The following TSPAN9 variants were observed in gnomAD, a reference collection of about 807,000 sequenced individuals.
TSPAN9 encodes the protein tetraspanin-9.
A neutral mutation model predicts 31.0 loss-of-function variants in TSPAN9; 16 were observed. That is an observed-to-expected ratio of 0.52 (90% CI 0.35 to 0.78). The LOEUF is 0.78. Ranked by LOEUF, TSPAN9 falls within the 30% of genes least tolerant of loss-of-function variation. The pLI is 0.01. For synonymous variants in TSPAN9, 145 were observed against 121.6 expected (o/e 1.19, Z -1.27); for missense variants, 272 against 312.5 (o/e 0.87, Z 0.98).
intron 3 of TSPAN9, among the ~76,000 whole-genome samples, chr12:3,270,552 G>T (rs1862656153): frequency 6.6e-6 from 1 of 152,232 alleles, no homozygotes; most frequent in Non-Finnish European, 1.5e-5. Flanking sequence ...GGCAGGGCAG[G>T]TGCCCCCCAT....
At chr12:3,152,892 C>G (rs940806644) in intron 2 of TSPAN9, among the ~76,000 whole-genome samples, 1 of 152,174 alleles carries the variant, frequency 6.6e-6, no homozygotes, top group African/African-American at 2.4e-5. Context: ...CCAGCTGAGC[C>G]CCCTTCTTTT....
intron 2 of TSPAN9, among the ~76,000 whole-genome samples, chr12:3,158,928 C>T (rs947260453): frequency 2.0e-5 from 3 of 151,702 alleles, no homozygotes; most frequent in African/African-American, 4.8e-5. Context: ...TGCTTGGGAA[C>T]GTACTCCTCC....
At chr12:3,153,365 T>C (rs1473718568) in intron 2 of TSPAN9, among the ~76,000 whole-genome samples, 1 of 152,230 alleles carries the variant, frequency 6.6e-6, no homozygotes, top group East Asian at 1.9e-4. Flanking sequence ...CAGTTTTTTA[T>C]TTTCCATGAT....
chr12:3,199,883 A>T (rs1002926823), intron 2 of TSPAN9: 1 of 152,342 alleles, frequency 6.6e-6, no homozygotes. Context: ...TGTGTGTGAG[A>T]GTGTGTGTAG....
At chr12:3,223,763 A>G (rs1189020025) in intron 3 of TSPAN9, among the ~76,000 whole-genome samples, 2 of 152,226 alleles carry the variant, frequency 1.3e-5, no homozygotes, top group African/African-American at 2.4e-5. Flanking sequence ...ACACAGGGGC[A>G]TGAATTCAGC....
intron 2 of TSPAN9, among the ~76,000 whole-genome samples, chr12:3,140,918 T>C (rs2098334503): frequency 6.6e-6 from 1 of 151,180 alleles, no homozygotes; most frequent in African/African-American, 2.4e-5. Context: ...TGGATGTGTC[T>C]AGATTAAGGA....
intron 2 of TSPAN9, among the ~76,000 whole-genome samples, chr12:3,112,177 CTTTTT>C (rs138645701): frequency 8.6e-6 from 1 of 115,638 alleles, no homozygotes. Context: ...TGTAATGTTC[CTTTTT>C]TTTTTTTTTT....
At chr12:3,085,054 G>A (rs1469739309) in intron 2 of TSPAN9, among the ~76,000 whole-genome samples, 1 of 152,212 alleles carries the variant, frequency 6.6e-6, no homozygotes, top group Admixed American at 6.5e-5. Flanking sequence ...CTAGGCACAT[G>A]GGCTTGGGTG....
At chr12:3,252,621 C>T (rs1353322843) in intron 3 of TSPAN9, among the ~76,000 whole-genome samples, 2 of 152,238 alleles carry the variant, frequency 1.3e-5, no homozygotes, top group Non-Finnish European at 2.9e-5. Flanking sequence ...TCATCACAGC[C>T]GGAGTCAGCT....
chr12:3,095,801 C>T (rs1234231526), intron 2 of TSPAN9, among the ~76,000 whole-genome samples: 1 of 149,168 alleles, frequency 6.7e-6, no homozygotes, highest in East Asian at 2.0e-4. Flanking sequence ...AGGCGCTCCT[C>T]ACTTCCTAGA....
intron 1 of TSPAN9, among the ~76,000 whole-genome samples, chr12:3,079,469 A>AT (rs947438399): frequency 2.7e-5 from 4 of 149,162 alleles, no homozygotes; most frequent in African/African-American, 9.9e-5. Flanking sequence ...TTATTTATTT[A>AT]TTTTTTTCTG....
intron 3 of TSPAN9, among the ~76,000 whole-genome samples, chr12:3,248,033 C>T (rs1339262156): frequency 6.6e-6 from 1 of 152,180 alleles, no homozygotes; most frequent in East Asian, 1.9e-4. Context: ...TGTCTGCTTG[C>T]CCCTTTCCCA....
At chr12:3,241,396 A>AATTT (rs772408840) in intron 3 of TSPAN9, among the ~76,000 whole-genome samples, 1 of 152,208 alleles carries the variant, frequency 6.6e-6, no homozygotes, top group Non-Finnish European at 1.5e-5. Context: ...ACATACTGTA[A>AATTT]AGTTTGCTCT....
intron 2 of TSPAN9, among the ~76,000 whole-genome samples, chr12:3,103,003 C>A (rs571974669): frequency 1.3e-5 from 2 of 152,306 alleles, no homozygotes; most frequent in South Asian, 4.2e-4. Context: ...GGTGGGAGAG[C>A]CTGTCTAGAA....
chr12:3,243,626 A>G (rs1211277961), intron 3 of TSPAN9, among the ~76,000 whole-genome samples: 3 of 152,134 alleles, frequency 2.0e-5, no homozygotes, highest in Non-Finnish European at 2.9e-5. Flanking sequence ...GAGGTGGAGA[A>G]GCAGCCAGGC....
At chr12:3,178,585 C>T (rs567365482) in intron 2 of TSPAN9, among the ~76,000 whole-genome samples, 2 of 152,366 alleles carry the variant, frequency 1.3e-5, no homozygotes, top group Non-Finnish European at 2.9e-5. Flanking sequence ...GCCACTGCGC[C>T]CTGCCAGATG....
Position 3,284,737 on chromosome 12 carries a change from A to C in TSPAN9, c.*1621A>C, listed in dbSNP as rs558123646. ...ACTGAGCACGGGGACCTCACCCGCT[A>C]GCCAGCGTCTGCTGCACTTGATCAG... On this transcript the variant is annotated 3_prime_UTR_variant, in exon 9 of 9. Transcript: ENST00000011898. 1.1e-4 allele frequency: 16 copies of C among 152,318 alleles called. No homozygotes were observed. The highest frequency in any genetic ancestry group is 3.8e-4 in the African/African-American group (16 of 41,568). 9.4% of individuals were successfully genotyped at this position (152,318 alleles called of 1,614,324 possible).
At chr12:3,113,548 A>T in intron 2 of TSPAN9, among the ~76,000 whole-genome samples, 1 of 152,162 alleles carries the variant, frequency 6.6e-6, no homozygotes. Context: ...TTAAGTGATC[A>T]ATAGATACTT....
At chr12:3,146,505 C>T (rs967073758) in intron 2 of TSPAN9, among the ~76,000 whole-genome samples, 19 of 152,234 alleles carry the variant, frequency 1.2e-4, no homozygotes, top group African/African-American at 4.6e-4. Flanking sequence ...CAGACAAGGT[C>T]CTTGCTTTCA....
Sources: allele counts gnomAD v4.1 joint callset (sites outside exome capture counted in the v4.1 genomes callset), GRCh38; gene constraint gnomAD v4.1.1; transcripts MANE v1.5; gene names NCBI Gene and HGNC (gene_info 2026-07-23, HGNC 2026-07-21).